Variants in COBL observed in about 807,000 individuals in gnomAD.
COBL encodes the protein protein cordon-bleu.
Under a neutral mutation model 98.8 loss-of-function variants are expected in COBL, and 51 were observed. That is an observed-to-expected ratio of 0.52 (90% confidence interval 0.41 to 0.65). The LOEUF is 0.65. Ranked by LOEUF, COBL falls within the 30% of genes least tolerant of loss-of-function variation. The probability of loss-of-function intolerance (pLI) is 0.00; values close to 1 mark genes in which losing one functional copy is unlikely to be tolerated. For synonymous variants in COBL, 634 were observed against 651.7 expected (o/e 0.97, Z 0.41); for missense variants, 1,617 against 1,617.5 (o/e 1.00, Z 0.01).
At chr7:51,227,791 T>G (rs911422878) in intron 1 of COBL, among the ~76,000 whole-genome samples, 1 of 152,164 alleles carries the variant, frequency 6.6e-6, no homozygotes, top group South Asian at 2.1e-4. Flanking sequence ...AAGACAAGAA[T>G]TCCTTCTAAT....
At chr7:51,292,949 A>T (rs1801047360) in intron 1 of COBL, among the ~76,000 whole-genome samples, 1 of 152,254 alleles carries the variant, frequency 6.6e-6, no homozygotes, top group Admixed American at 6.5e-5. Flanking sequence ...TGACACAATG[A>T]CAGAATTGAA....
At chr7:51,272,154 T>C (rs996813564) in intron 1 of COBL, among the ~76,000 whole-genome samples, 2 of 152,236 alleles carry the variant, frequency 1.3e-5, no homozygotes, top group African/African-American at 4.8e-5. Context: ...CTCACTCATT[T>C]AACTAAGTGA....
intron 2 of COBL, among the ~76,000 whole-genome samples, chr7:51,218,886 CT>C (rs1793348259): frequency 6.6e-6 from 1 of 152,304 alleles, no homozygotes; most frequent in South Asian, 2.1e-4. Context: ...ATTAATCATT[CT>C]ATCATACTTC....
At chr7:51,301,032 CCTCA>C (rs1230392453) in intron 1 of COBL, among the ~76,000 whole-genome samples, 1 of 152,156 alleles carries the variant, frequency 6.6e-6, no homozygotes, top group East Asian at 1.9e-4. Context: ...GTCCCACGTG[CCTCA>C]CTGTTAAAAT....
At chr7:51,030,774 C>G in intron 9 of COBL, 38 bp downstream of exon 9, 2 of 1,323,238 alleles carry the variant, frequency 1.5e-6, no homozygotes, top group East Asian at 4.6e-5. Flanking sequence ...TACTTTCATG[C>G]AGCATAATAT....
chr7:51,153,953 G>A (rs981800676), intron 5 of COBL, among the ~76,000 whole-genome samples: 7 of 152,164 alleles, frequency 4.6e-5, no homozygotes, highest in African/African-American at 1.4e-4. Context: ...GGCCTGTAGA[G>A]ACCTCACAGA....
chr7:51,028,397 G>A lies in COBL; in HGVS notation c.2699C>T (p.Ala900Val), dbSNP rs372266870. The A allele has an allele frequency of 5.8e-5, 93 of 1,614,136 alleles. No homozygotes were observed. Among genetic ancestry groups the A allele is most frequent in the Admixed American group, 6.7e-5 (4 of 60,014 alleles). ...GACAGGTGGTGCAGCCAGCACTGGC[G>A]CCTTGCCTGCATAACCCTTCTCGGC... The part of the protein sequence containing the change: ...GYAEKGYAGK[A>V]PVLAAPPVTV... The change falls in exon 10 of 13, where the codon GCG becomes GTG. Residue 900 changes from alanine to valine, a missense_variant. By Grantham distance (64) the Ala-to-Val change is moderately conservative (BLOSUM62 0). Coordinates refer to ENST00000265136, the MANE Select transcript of COBL (RefSeq NM_015198.5).
At chr7:51,258,587 T>C (rs1287445799) in intron 1 of COBL, among the ~76,000 whole-genome samples, 14 of 152,138 alleles carry the variant, frequency 9.2e-5, no homozygotes, top group Admixed American at 9.2e-4. Context: ...CTTTTGAAGA[T>C]AAAGCAGGAA....
intron 8 of COBL, chr7:51,032,480 GCTAATCA>G: frequency 6.6e-6 from 1 of 152,346 alleles, no homozygotes; most frequent in African/African-American, 2.4e-5. Context: ...TTCCATCACT[GCTAATCA>G]GGCCCAGATA....
intron 7 of COBL, among the ~76,000 whole-genome samples, chr7:51,053,294 T>C (rs1790410872): frequency 6.6e-6 from 1 of 152,174 alleles, no homozygotes; most frequent in Non-Finnish European, 1.5e-5. Context: ...CTACGGATGA[T>C]AAGAGAGGAA....
At chr7:51,272,648 A>G (rs1798868368) in intron 1 of COBL, among the ~76,000 whole-genome samples, 1 of 152,160 alleles carries the variant, frequency 6.6e-6, no homozygotes, top group Non-Finnish European at 1.5e-5. Context: ...TATCAGTGAA[A>G]TTGCGCTTGG....
intron 2 of COBL, among the ~76,000 whole-genome samples, chr7:51,196,998 G>T (rs1790655252): frequency 6.6e-6 from 1 of 150,416 alleles, no homozygotes; most frequent in Non-Finnish European, 1.5e-5. Flanking sequence ...CTGATCCTTT[G>T]AATAATTTTT....
chr7:51,132,078 T>C (rs922618110), intron 6 of COBL, among the ~76,000 whole-genome samples: 1 of 152,250 alleles, frequency 6.6e-6, no homozygotes, highest in Non-Finnish European at 1.5e-5. Context: ...AGCGCCTTGG[T>C]GATTTTTTAA....
chr7:51,038,335 C>G (rs955314116), intron 8 of COBL, among the ~76,000 whole-genome samples: 1 of 152,174 alleles, frequency 6.6e-6, no homozygotes, highest in East Asian at 1.9e-4. Context: ...GCACACAACC[C>G]AAGCAGTGAA....
In COBL at chr7:51,027,872, G is replaced by T. The variant is rs562116620; in HGVS notation, c.3224C>A (p.Thr1075Lys). The T allele has an allele frequency of 1.2e-6, 2 of 1,614,226 alleles. No individual in the cohort carries two copies. The highest frequency in any genetic ancestry group is 2.7e-5 in the African/African-American group (2 of 75,062). ...EREEKPSVFSTDGNETDSIWP... is the reference protein window; with the variant it reads ...EREEKPSVFSKDGNETDSIWP... ...AATACTGTCTGTTTCATTTCCATCTGTAGAGAACACACTGGGCTTTTCCTC... is the reference window on the plus strand; with the variant it reads ...AATACTGTCTGTTTCATTTCCATCTTTAGAGAACACACTGGGCTTTTCCTC... Residue 1075 changes from threonine (T) to lysine (K), a missense_variant, in exon 10 of 13, where the codon ACA becomes AAA. Thr to Lys is a moderately conservative substitution (Grantham distance 78). Coordinates refer to ENST00000265136, the MANE Select transcript of COBL (RefSeq NM_015198.5).
chr7:51,283,806 T>C (rs1800025104), intron 1 of COBL, among the ~76,000 whole-genome samples: 1 of 151,958 alleles, frequency 6.6e-6, no homozygotes, highest in South Asian at 2.1e-4. Flanking sequence ...TTAAGAACAT[T>C]ATGAAAAAAG....
At chr7:51,222,094 C>T (rs1039935368) in intron 1 of COBL, among the ~76,000 whole-genome samples, 2 of 152,150 alleles carry the variant, frequency 1.3e-5, no homozygotes, top group African/African-American at 4.8e-5. Flanking sequence ...GAGCCTCAGG[C>T]AGGAGAATCA....
rs1583914687 is a variant in COBL, at chr7:51,136,042, A to G, written c.957+116T>C. On this transcript the variant is annotated intron_variant, in intron 6 of 12. Transcript: ENST00000265136. ...TAAAGCTTAAATACTTGCCCCCAAC[A>G]CTCCAGTCGCTACAGCCACAAACAT... The G allele has an allele frequency of 3.8e-6, 5 of 1,303,968 alleles. No homozygotes were observed. The African/African-American group carries it at 4.5e-5, about 12-fold the overall frequency. 80.8% of individuals were successfully genotyped at this position (1,303,968 alleles called of 1,614,324 possible).
chr7:51,134,623 TGGA>T (rs1270170055), intron 6 of COBL, among the ~76,000 whole-genome samples: 1 of 152,254 alleles, frequency 6.6e-6, no homozygotes, highest in Non-Finnish European at 1.5e-5. Context: ...ATATTGATCC[TGGA>T]AGTCATACTT....
Sources: gnomAD v4.1 joint callset for allele counts (sites outside exome capture counted in the v4.1 genomes callset) on GRCh38, gnomAD v4.1.1 for gene constraint, MANE v1.5 for transcripts, NCBI Gene and HGNC (gene_info 2026-07-23, HGNC 2026-07-21) for gene names.